Variants in ZNF469 observed in about 807,000 individuals in gnomAD.
ZNF469 encodes zinc finger protein 469.
A neutral mutation model predicts 1.0 loss-of-function variants in ZNF469; 1 was observed. That is an observed-to-expected ratio of 1.00 (90% CI 0.35 to 4.73). ZNF469 has a LOEUF of 4.73. Ranked by LOEUF, ZNF469 falls within the 30% of genes most tolerant of loss-of-function variation. ZNF469 has a pLI of 0.16. For synonymous variants in ZNF469, 2,703 were observed against 2,363.4 expected, an observed-to-expected ratio of 1.14 and a Z score of -4.17; for missense variants, 6,100 against 5,356.3, an observed-to-expected ratio of 1.14 and a Z score of -4.33.
chr16:88,336,728 A>C, the ZNF469 span, among the ~76,000 whole-genome samples: 1 of 152,220 alleles, frequency 6.6e-6, no homozygotes, highest in Non-Finnish European at 1.5e-5. Context: ...CGCCAATACC[A>C]CGCAGACTCA....
chr16:88,115,740 G>T, the ZNF469 span, among the ~76,000 whole-genome samples: 5 of 151,452 alleles, frequency 3.3e-5, no homozygotes, highest in South Asian at 1.0e-3. Context: ...CCTTCTGGGG[G>T]CTCTGGGTCC....
At chr16:88,304,273 A>C in the ZNF469 span, among the ~76,000 whole-genome samples, 1 of 152,120 alleles carries the variant, frequency 6.6e-6, no homozygotes, top group Non-Finnish European at 1.5e-5. Flanking sequence ...GGCCGCCCCC[A>C]CACCAGTGAC....
chr16:88,212,476 C>T, the ZNF469 span, among the ~76,000 whole-genome samples: 1 of 152,196 alleles, frequency 6.6e-6, no homozygotes, highest in African/African-American at 2.4e-5. Flanking sequence ...TTTTCATTAA[C>T]ATCTGTTCTC....
At chr16:88,104,107 T>C in the ZNF469 span, among the ~76,000 whole-genome samples, 2 of 151,918 alleles carry the variant, frequency 1.3e-5, no homozygotes, top group Non-Finnish European at 2.9e-5. Context: ...GCAAACAGTG[T>C]TCAACTCTTT....
chr16:88,108,221 G>T, the ZNF469 span, among the ~76,000 whole-genome samples: 5 of 144,560 alleles, frequency 3.5e-5, no homozygotes, highest in East Asian at 8.0e-4. Flanking sequence ...AGAGGTGCAC[G>T]TCTGTGGGGA....
the ZNF469 span, among the ~76,000 whole-genome samples, chr16:88,223,540 G>A: frequency 5.9e-5 from 9 of 152,180 alleles, no homozygotes; most frequent in African/African-American, 1.7e-4. Context: ...GGTTAGAGAC[G>A]GAGCAGAAAG....
the ZNF469 span, among the ~76,000 whole-genome samples, chr16:88,107,564 G>C: frequency 2.0e-5 from 3 of 152,226 alleles, no homozygotes; most frequent in African/African-American, 4.8e-5. Context: ...CACAGAAACT[G>C]ACCATGCCAC....
At position 88,438,865 on chromosome 16, in the gene ZNF469, C is replaced by T; in HGVS notation, c.11395C>T (p.Gln3799Ter). ...CTKGPREAGE[Q>*]GPHGSLGPKE... The stretch of plus-strand genomic sequence containing the variant: ...CAAGGGGCCAAGGGAAGCTGGTGAG[C>T]AGGGGCCCCACGGGAGCCTAGGTCC... Residue 3799 changes from glutamine to a stop codon, truncating the protein, a stop_gained, in exon 3 of 3, where the codon CAG becomes TAG. Coordinates refer to ENST00000565624, the MANE Select transcript of ZNF469 (RefSeq NM_001367624.2). LOFTEE classifies it low-confidence loss of function (END_TRUNC). 6.4e-7 allele frequency: 1 copy of T among 1,550,434 alleles called. No individual in the cohort carries two copies. Among genetic ancestry groups the T allele is most frequent in the Non-Finnish European group, 8.7e-7 (1 of 1,146,962 alleles).
chr16:88,126,429 CA>C, the ZNF469 span, among the ~76,000 whole-genome samples: 2 of 151,168 alleles, frequency 1.3e-5, no homozygotes, highest in Non-Finnish European at 2.9e-5. Context: ...CTAGACTTTA[CA>C]GAGATGTTCT....
At chr16:88,265,018 G>A in the ZNF469 span, among the ~76,000 whole-genome samples, 1 of 151,976 alleles carries the variant, frequency 6.6e-6, no homozygotes, top group Non-Finnish European at 1.5e-5. Context: ...TTCCTCTGGC[G>A]CTGACCTACT....
At chr16:88,197,889 C>T in the ZNF469 span, among the ~76,000 whole-genome samples, 2 of 152,254 alleles carry the variant, frequency 1.3e-5, no homozygotes, top group Non-Finnish European at 2.9e-5. Context: ...GTGATCCCAG[C>T]AGAGCAAGGC....
At chr16:88,282,597 C>T in the ZNF469 span, among the ~76,000 whole-genome samples, 2 of 152,138 alleles carry the variant, frequency 1.3e-5, no homozygotes, top group Non-Finnish European at 1.5e-5. Context: ...TGGGGGATGT[C>T]GCCAGACTCC....
At chr16:88,279,200 G>C in the ZNF469 span, among the ~76,000 whole-genome samples, 1 of 130,330 alleles carries the variant, frequency 7.7e-6, no homozygotes, top group South Asian at 2.5e-4. Context: ...GCGCCACGCT[G>C]ACACTCGGTC....
the ZNF469 span, among the ~76,000 whole-genome samples, chr16:88,341,398 G>C: frequency 6.6e-6 from 1 of 152,174 alleles, no homozygotes; most frequent in African/African-American, 2.4e-5. Context: ...CTGCTGGGAC[G>C]TGCTGGGCAG....
At chr16:88,125,684 A>G in the ZNF469 span, among the ~76,000 whole-genome samples, 1 of 152,244 alleles carries the variant, frequency 6.6e-6, no homozygotes, top group Non-Finnish European at 1.5e-5. Context: ...TATGATCTGA[A>G]GAGAAATCAG....
the ZNF469 span, among the ~76,000 whole-genome samples, chr16:88,377,871 G>T: frequency 8.2e-5 from 12 of 145,974 alleles, no homozygotes; most frequent in African/African-American, 3.2e-4. Flanking sequence ...GCTTGTTGTT[G>T]TTGTTGTTGT....
chr16:88,194,158 C>T, the ZNF469 span: 1 of 152,264 alleles, frequency 6.6e-6, no homozygotes, highest in Non-Finnish European at 1.5e-5. Context: ...ACTGATCATC[C>T]TCTTCCTACA....
Position 88,427,571 on chromosome 16 carries a change from C to T in ZNF469, c.101C>T (p.Pro34Leu), listed in dbSNP as rs1215389166. 6.5e-7 allele frequency: 1 copy of T among 1,536,968 alleles called. No individual in the cohort carries two copies. Among genetic ancestry groups the T allele is most frequent in the African/African-American group, 1.4e-5 (1 of 72,988 alleles). ...ASSPGHPSQP[P>L]LEDNTPATRT... ...AGCCCGGGGCACCCCTCCCAGCCGC[C>T]ACTGGAGGACAACACCCCAGCTACC... Residue 34 changes from proline (P) to leucine (L), a missense_variant, in exon 3 of 3, where the codon CCA (proline) becomes CTA (leucine). By Grantham distance (98) the Pro-to-Leu change is moderately conservative. Transcript: ENST00000565624.
At chr16:88,202,164 C>T in the ZNF469 span, among the ~76,000 whole-genome samples, 1 of 152,214 alleles carries the variant, frequency 6.6e-6, no homozygotes, top group African/African-American at 2.4e-5. Flanking sequence ...TGCGAATCCA[C>T]GTTGGCTGTC....
Sources: allele counts gnomAD v4.1 joint callset (sites outside exome capture counted in the v4.1 genomes callset), GRCh38; gene constraint gnomAD v4.1.1; transcripts MANE v1.5; gene names NCBI Gene and HGNC (gene_info 2026-07-23, HGNC 2026-07-21).